The following RANBP2 variants were observed in gnomAD, a reference collection of about 807,000 sequenced individuals.
The protein encoded by RANBP2 is E3 SUMO-protein ligase RanBP2.
A neutral mutation model predicts 303.6 loss-of-function variants in RANBP2; 57 were observed. That is an observed-to-expected ratio of 0.19 (90% CI 0.15 to 0.23). The LOEUF is 0.23. Among genes scored for constraint, RANBP2 ranks in the 10% least tolerant of loss-of-function variants. The pLI is 1.00. For synonymous variants in RANBP2, 1,167 were observed against 1,301.5 expected (o/e 0.90, Z 2.23); for missense variants, 3,138 against 3,780.8 (o/e 0.83, Z 4.46).
chr2:109,250,136 C>T, the RANBP2 span, among the ~76,000 whole-genome samples: 1 of 146,688 alleles, frequency 6.8e-6, no homozygotes. Context: ...TTTATCTGTC[C>T]TTAAGGTTTT....
the RANBP2 span, among the ~76,000 whole-genome samples, chr2:109,409,734 A>G: frequency 6.6e-6 from 1 of 151,724 alleles, no homozygotes. Flanking sequence ...GCCTCTGGCT[A>G]CACAAGCTGC....
chr2:109,098,159 G>A, the RANBP2 span, among the ~76,000 whole-genome samples: 30 of 152,288 alleles, frequency 2.0e-4, no homozygotes, highest in Middle Eastern at 3.4e-3. Flanking sequence ...AGCCTGCAAA[G>A]TAGGTCCAAA....
chr2:109,000,951 C>G, the RANBP2 span, among the ~76,000 whole-genome samples: 1 of 152,100 alleles, frequency 6.6e-6, no homozygotes, highest in Non-Finnish European at 1.5e-5. Context: ...TGCCCTGAGG[C>G]CCAGGTGAGG....
At chr2:109,425,698 G>GAA in the RANBP2 span, among the ~76,000 whole-genome samples, 78,320 of 151,400 alleles carry the variant, frequency 0.52, 20,529 homozygotes, top group African/African-American at 0.57. Flanking sequence ...CTACTGCTCA[G>GAA]AAAAAAAAGA....
At position 108,767,363 on chromosome 2, in the gene RANBP2, T is replaced by C. The variant is rs776302567; in HGVS notation, c.6824T>C (p.Leu2275Ser). ...TTTAACTTCAGTTTTAAATCTGCTT[T>C]GAGTCCATCTAAGTCTCCTGCCAAG... ...TGFNFSFKSA[L>S]SPSKSPAKLN... Residue 2275 changes from leucine (L) to serine (S), a missense_variant, in exon 20 of 29, where the codon TTG becomes TCG. By Grantham distance (145) the Leu-to-Ser change is moderately radical (BLOSUM62 -2). Around this residue, in one of 20 missense-constraint regions of RANBP2, gnomAD observed 72 missense variants for 86.8 expected, o/e 0.83. Transcript: ENST00000283195. The C allele has an allele frequency of 6.2e-7, 1 of 1,612,068 alleles. No homozygotes were observed. Among genetic ancestry groups the C allele is most frequent in the Non-Finnish European group, 8.5e-7 (1 of 1,179,876 alleles).
chr2:109,569,358 G>T, the RANBP2 span, among the ~76,000 whole-genome samples: 3 of 151,254 alleles, frequency 2.0e-5, no homozygotes, highest in African/African-American at 7.3e-5. Context: ...TTGAACCCAG[G>T]AGGCAGAGGT....
chr2:109,468,877 G>T, the RANBP2 span, among the ~76,000 whole-genome samples: 2 of 132,256 alleles, frequency 1.5e-5, no homozygotes, highest in Admixed American at 7.3e-5. Flanking sequence ...AAAAAAAAAA[G>T]TTAAATTCAG....
At chr2:109,559,817 C>T in the RANBP2 span, among the ~76,000 whole-genome samples, 1 of 152,008 alleles carries the variant, frequency 6.6e-6, no homozygotes, top group Non-Finnish European at 1.5e-5. Context: ...TTCATTCATT[C>T]CACTCCCAGA....
At chr2:109,461,472 C>T in the RANBP2 span, among the ~76,000 whole-genome samples, 38 of 98,672 alleles carry the variant, frequency 3.9e-4, no homozygotes, top group African/African-American at 1.5e-3. Context: ...AGAGGCCCCA[C>T]GTAGCATCCC....
the RANBP2 span, among the ~76,000 whole-genome samples, chr2:109,470,596 G>A: frequency 6.6e-6 from 1 of 152,242 alleles, no homozygotes; most frequent in African/African-American, 2.4e-5. Flanking sequence ...GCAGTCTGGA[G>A]GAGGACAGGC....
chr2:109,243,451 G>A, the RANBP2 span, among the ~76,000 whole-genome samples: 2 of 152,160 alleles, frequency 1.3e-5, no homozygotes, highest in Admixed American at 6.5e-5. Context: ...AGGGATTTTC[G>A]TATTCTCCTC....
At chr2:108,952,351 T>C in the RANBP2 span, among the ~76,000 whole-genome samples, 1 of 152,202 alleles carries the variant, frequency 6.6e-6, no homozygotes, top group African/African-American at 2.4e-5. Flanking sequence ...CAGGATTTTG[T>C]TTCCTTTAAG....
the RANBP2 span, among the ~76,000 whole-genome samples, chr2:109,340,888 G>A: frequency 6.6e-6 from 1 of 151,888 alleles, no homozygotes; most frequent in African/African-American, 2.4e-5. Flanking sequence ...ACAAAGTCTG[G>A]GAAAAGTAAA....
chr2:109,179,252 C>T, the RANBP2 span, among the ~76,000 whole-genome samples: 1 of 152,064 alleles, frequency 6.6e-6, no homozygotes, highest in Non-Finnish European at 1.5e-5. Flanking sequence ...CCTTTTTATC[C>T]TCTGATTCTG....
the RANBP2 span, among the ~76,000 whole-genome samples, chr2:109,719,487 A>ATGCTCCCC: frequency 3.4e-5 from 5 of 149,228 alleles, no homozygotes; most frequent in African/African-American, 1.2e-4. Context: ...GCTCACTGCA[A>ATGCTCCCC]CCTCTGGCTC....
At chr2:109,522,615 A>G in the RANBP2 span, among the ~76,000 whole-genome samples, 1 of 132,840 alleles carries the variant, frequency 7.5e-6, no homozygotes, top group Non-Finnish European at 1.5e-5. Flanking sequence ...TTTTTTTTCC[A>G]GGCTGGTCTC....
chr2:109,387,704 C>T, the RANBP2 span, among the ~76,000 whole-genome samples: 1 of 152,226 alleles, frequency 6.6e-6, no homozygotes, highest in African/African-American at 2.4e-5. Flanking sequence ...ATTCAACGTC[C>T]TCTATGTAAT....
the RANBP2 span, among the ~76,000 whole-genome samples, chr2:108,978,105 C>T: frequency 2.0e-5 from 3 of 152,166 alleles, no homozygotes; most frequent in East Asian, 5.8e-4. Context: ...GTAGGAAGAC[C>T]AGCAAAGGGC....
At chr2:109,442,184 G>A in the RANBP2 span, among the ~76,000 whole-genome samples, 5 of 152,042 alleles carry the variant, frequency 3.3e-5, no homozygotes, top group Middle Eastern at 3.4e-3. Context: ...GTTGGCGGGC[G>A]CCTGTAGTCC....
Sources: allele counts gnomAD v4.1 joint callset (sites outside exome capture counted in the v4.1 genomes callset), GRCh38; gene constraint gnomAD v4.1.1; regional missense constraint gnomAD v4.1.1; transcripts MANE v1.5; gene names NCBI Gene and HGNC (gene_info 2026-07-23, HGNC 2026-07-21).